ZYG11A: variants seen among roughly 807,000 people sequenced by gnomAD.
ZYG11A encodes the protein protein zyg-11 homolog A.
In ZYG11A, 62 loss-of-function variants were observed where a neutral mutation model predicts 77.2. That is an observed-to-expected ratio of 0.80 (90% CI 0.65 to 0.99). The LOEUF is 0.99. ZYG11A is among the 50% of genes least tolerant of loss of function. The pLI is 0.00. For missense variants in ZYG11A, 828 were observed against 896.8 expected, an observed-to-expected ratio of 0.92 and a Z score of 0.98; for synonymous variants, 315 against 324.6, an observed-to-expected ratio of 0.97 and a Z score of 0.32.
intron 4 of ZYG11A, 30 bp from the exon 5 acceptor site, chr1:52,863,951 C>A (rs2150001667): frequency 6.5e-7 from 1 of 1,534,252 alleles, no homozygotes; most frequent in Non-Finnish European, 8.8e-7. Context: ...TTACTGGCAT[C>A]ATATGCACTA....
rs1175897268 is a variant in ZYG11A at position 52,867,724 on chromosome 1, T to C, written c.1492-3T>C. ...TCACTTGAGCCTTTCTGTTTGCTTATAGCTCTCACCTGAGCAAACGGCACA... is the reference window on the plus strand; with the variant it reads ...TCACTTGAGCCTTTCTGTTTGCTTACAGCTCTCACCTGAGCAAACGGCACA... On this transcript the variant is annotated splice_polypyrimidine_tract_variant and splice_region_variant and intron_variant, in intron 7 of 13. Transcript: ENST00000371528. 5.2e-6 allele frequency: 8 copies of C among 1,551,488 alleles called. No homozygotes were observed. Among genetic ancestry groups the C allele is most frequent in the African/African-American group, 2.7e-5 (2 of 73,030 alleles).
intron 13 of ZYG11A, among the ~76,000 whole-genome samples, chr1:52,892,092 G>A (rs971035019): frequency 1.3e-5 from 2 of 149,202 alleles, no homozygotes; most frequent in Non-Finnish European, 3.0e-5. Context: ...GTAGAGACGG[G>A]GTTTCACCGT....
chr1:52,883,022 T>A (rs1259125724), intron 11 of ZYG11A, among the ~76,000 whole-genome samples: 1 of 152,068 alleles, frequency 6.6e-6, no homozygotes, highest in East Asian at 1.9e-4. Flanking sequence ...TTGTTCTGAA[T>A]CCTCTTCTAA....
At chr1:52,850,489 T>G (rs1645688100) in intron 1 of ZYG11A, among the ~76,000 whole-genome samples, 1 of 152,024 alleles carries the variant, frequency 6.6e-6, no homozygotes, top group African/African-American at 2.4e-5. Context: ...CGGCCAATTT[T>G]TTGTATTTTT....
At chr1:52,843,774 C>T (rs1225557939) in intron 1 of ZYG11A, among the ~76,000 whole-genome samples, 1 of 151,570 alleles carries the variant, frequency 6.6e-6, no homozygotes, top group Non-Finnish European at 1.5e-5. Flanking sequence ...GCAACCTCCG[C>T]CTCCGGGGTT....
rs189002372 is a variant in ZYG11A at position 52,868,200 on chromosome 1, G to A, written c.1542+423G>A. Among the ~76,000 whole-genome samples the A allele has an allele frequency of 2.8e-3, 418 of 151,694 alleles. 3 individuals carry two copies. Among genetic ancestry groups the A allele is most frequent in the African/African-American group, 9.7e-3 (403 of 41,410 alleles). ...AGGCTGGTCTCGAACTCCTGACCTCGTGATCTGCGTGCCTCGGCATCCCAA... is the reference window on the plus strand; with the variant it reads ...AGGCTGGTCTCGAACTCCTGACCTCATGATCTGCGTGCCTCGGCATCCCAA... On this transcript the variant is annotated intron_variant, in intron 8 of 13. Transcript: ENST00000371528.
At chr1:52,847,463 G>T (rs1645612156) in intron 1 of ZYG11A, among the ~76,000 whole-genome samples, 2 of 151,304 alleles carry the variant, frequency 1.3e-5, no homozygotes, top group South Asian at 4.2e-4. Flanking sequence ...GCCTCCCAAA[G>T]TGCTAGGATT....
chr1:52,869,951 G>A (rs1186200419), intron 8 of ZYG11A, among the ~76,000 whole-genome samples: 3 of 144,452 alleles, frequency 2.1e-5, no homozygotes, highest in African/African-American at 7.8e-5. Flanking sequence ...GTGGCTGGCC[G>A]GGCGGGGGGC....
chr1:52,854,627 C>CT lies in ZYG11A; in HGVS notation c.253_254insT (p.Gln85LeufsTer6), dbSNP rs1264461121. 1.7e-5 allele frequency: 26 copies of CT among 1,532,426 alleles called. No individual in the cohort carries two copies. The Admixed American group carries it at 2.8e-4, about 16-fold the overall frequency. 94.9% of individuals were successfully genotyped at this position (1,532,426 alleles called of 1,614,324 possible). A position where few individuals can be genotyped will look rare whatever the true frequency, so the allele number is the denominator to read the frequency against. On this transcript the variant is annotated frameshift_variant, in exon 2 of 14. Coordinates refer to ENST00000371528, the MANE Select transcript of ZYG11A (RefSeq NM_001004339.3). LOFTEE classifies it high-confidence loss of function. ...GCGATTTCTCAGGGTGATGACTTGG[C>CT]AAGGTAGTGATAAGGCTTCTCTAAA...
intron 1 of ZYG11A, among the ~76,000 whole-genome samples, chr1:52,852,551 A>G (rs1178060519): frequency 6.6e-6 from 1 of 151,380 alleles, no homozygotes; most frequent in Non-Finnish European, 1.5e-5. Context: ...TATTTTTAGA[A>G]CAGGGTTTTG....
At chr1:52,891,430 A>G (rs1362190956) in intron 13 of ZYG11A, among the ~76,000 whole-genome samples, 2 of 151,894 alleles carry the variant, frequency 1.3e-5, no homozygotes, top group Non-Finnish European at 2.9e-5. Context: ...TTCATTTTAG[A>G]ATGGATTGGC....
intron 12 of ZYG11A, among the ~76,000 whole-genome samples, chr1:52,886,279 C>T (rs1032794339): frequency 5.0e-4 from 76 of 152,178 alleles, no homozygotes; most frequent in African/African-American, 1.8e-3. Flanking sequence ...ACAGTGATAA[C>T]GTGTTAGAGT....
At chr1:52,867,833 A>G in intron 8 of ZYG11A, 56 bp downstream of exon 8, 2 of 1,400,274 alleles carry the variant, frequency 1.4e-6, no homozygotes, top group Non-Finnish European at 2.0e-6. Flanking sequence ...ATTTATGATT[A>G]TAGCTTAAAA....
chr1:52,848,958 C>A, intron 1 of ZYG11A, among the ~76,000 whole-genome samples: 1 of 152,142 alleles, frequency 6.6e-6, no homozygotes, highest in Non-Finnish European at 1.5e-5. Context: ...AACTATATTT[C>A]AATATAGTTA....
chr1:52,876,467 C>T (rs1235759775), intron 8 of ZYG11A, among the ~76,000 whole-genome samples: 1 of 152,166 alleles, frequency 6.6e-6, no homozygotes, highest in Non-Finnish European at 1.5e-5. Context: ...AGATAAGTCT[C>T]CTCTGTGTCT....
chr1:52,854,100 A>C (rs1233141076), intron 1 of ZYG11A, among the ~76,000 whole-genome samples: 1 of 152,104 alleles, frequency 6.6e-6, no homozygotes, highest in Non-Finnish European at 1.5e-5. Flanking sequence ...ATACTGTATT[A>C]GTGTTTATAA....
intron 11 of ZYG11A, among the ~76,000 whole-genome samples, chr1:52,883,920 C>A (rs1353521078): frequency 6.7e-6 from 1 of 148,686 alleles, no homozygotes; most frequent in Non-Finnish European, 1.5e-5. Flanking sequence ...TGCTCTGTCA[C>A]CCAGGCTGGA....
chr1:52,867,860 C>T, intron 8 of ZYG11A, 83 bp downstream of exon 8: 1 of 1,173,064 alleles, frequency 8.5e-7, no homozygotes, highest in Admixed American at 2.3e-5. Flanking sequence ...TCAAATCATT[C>T]CAAAAGGCCT....
chr1:52,886,699 ATTTTTTT>A (rs386366962), intron 12 of ZYG11A, among the ~76,000 whole-genome samples: 29 of 69,102 alleles, frequency 4.2e-4, no homozygotes, highest in Non-Finnish European at 5.2e-4. Context: ...GGCCCAGCTA[ATTTTTTT>A]TTTTTTTTTT....
Sources: gnomAD v4.1 joint callset for allele counts (sites outside exome capture counted in the v4.1 genomes callset) on GRCh38, gnomAD v4.1.1 for gene constraint, MANE v1.5 for transcripts, NCBI Gene and HGNC (gene_info 2026-07-23, HGNC 2026-07-21) for gene names.